DNAH1: variants seen among roughly 807,000 people sequenced by gnomAD.
DNAH1 encodes the protein axonemal beta dynein heavy chain 1.
DNAH1 carries 327 observed loss-of-function variants against 484.3 expected under a neutral mutation model. That is an observed-to-expected ratio of 0.68 (90% CI 0.62 to 0.74). DNAH1 has a LOEUF of 0.74. Among genes scored for constraint, DNAH1 ranks in the 30% least tolerant of loss-of-function variants. DNAH1 has a pLI of 0.00. For missense variants in DNAH1, 5,052 were observed against 5,546.8 expected, an observed-to-expected ratio of 0.91 and a Z score of 2.83; for synonymous variants, 2,192 against 2,191.9, an observed-to-expected ratio of 1.00 and a Z score of 0.00.
At chr3:52,334,259 G>T (rs1701657291) in intron 8 of DNAH1, among the ~76,000 whole-genome samples, 1 of 152,024 alleles carries the variant, frequency 6.6e-6, no homozygotes, top group Non-Finnish European at 1.5e-5. Context: ...ACATAGAAAA[G>T]GTACAGTAAA....
intron 48 of DNAH1, among the ~76,000 whole-genome samples, chr3:52,380,572 G>A (rs1007745467): frequency 6.6e-6 from 1 of 152,224 alleles, no homozygotes; most frequent in Non-Finnish European, 1.5e-5. Flanking sequence ...CACAGGGTCA[G>A]CACACCCTGG....
intron 8 of DNAH1, among the ~76,000 whole-genome samples, chr3:52,332,656 A>G (rs1002699969): frequency 7.2e-5 from 11 of 152,198 alleles, no homozygotes; most frequent in African/African-American, 2.7e-4. Flanking sequence ...TTGATGCTCA[A>G]ATTGTCCTAG....
At position 52,346,740 on chromosome 3, in the gene DNAH1, G is replaced by A. The variant is rs1702160427; in HGVS notation, c.1925G>A (p.Trp642Ter). 6.2e-7 allele frequency: 1 copy of A among 1,608,114 alleles called. No homozygotes were observed. The highest frequency in any genetic ancestry group is 1.7e-5 in the Admixed American group (1 of 59,860). The change falls in exon 11 of 78, where the codon TGG becomes TAG. Residue 642 changes from tryptophan (W) to a stop codon, truncating the protein, a stop_gained. Coordinates refer to ENST00000420323, the MANE Select transcript of DNAH1 (RefSeq NM_015512.5). LOFTEE classifies it high-confidence loss of function. ...SVLNCTDDMVWGDDLINSPYR... is the reference protein window; with the variant it reads ...SVLNCTDDMV ...CTCAACTGCACCGATGACATGGTCTGGGGTGACGACTTAATTAACAGCCCC... is the reference window on the plus strand; with the variant it reads ...CTCAACTGCACCGATGACATGGTCTAGGGTGACGACTTAATTAACAGCCCC...
rs1372205755 is a variant in DNAH1, at chr3:52,366,842, C to A, written c.5720C>A (p.Thr1907Lys). 1 of 1,613,910 alleles carries A rather than the reference C, an allele frequency of 6.2e-7. No individual in the cohort carries two copies. The highest frequency in any genetic ancestry group is 8.5e-7 in the Non-Finnish European group (1 of 1,179,836). Reference protein sequence around the residue: ...NYYVLNPKSITMGQLYGEFDL... With the variant: ...NYYVLNPKSIKMGQLYGEFDL... ...TACGTGCTCAACCCCAAGTCCATCA[C>A]GATGGGCCAGCTGTACGGGGAGTTT... is the stretch of plus-strand genomic sequence containing the variant. Residue 1907 changes from threonine to lysine, a missense_variant, in exon 36 of 78, where the codon ACG (threonine) becomes AAG (lysine). This residue lies in a region of DNAH1 where 2,929 missense variants were observed against 3,409.4 expected (regional missense o/e 0.86). Coordinates refer to ENST00000420323, the MANE Select transcript of DNAH1 (RefSeq NM_015512.5).
Position 52,349,278 on chromosome 3 carries a change from G to C in DNAH1, c.2384G>C (p.Ser795Thr), listed in dbSNP as rs1347754874. Residue 795 changes from serine to threonine, a missense_variant, in exon 14 of 78, where the codon AGC (serine) becomes ACC (threonine). Ser to Thr is a moderately conservative substitution (Grantham distance 58). Transcript: ENST00000420323. The stretch of plus-strand genomic sequence containing the variant: ...CTGCGGGAGAAGGAGATCCTGGACA[G>C]CTCGCTGCCCAGCAGCATCATCATT... ...THLREKEILD[S>T]SLPSSIIIGP... The C allele has an allele frequency of 7.4e-6, 12 of 1,614,042 alleles. No homozygotes were observed. Among genetic ancestry groups the C allele is most frequent in the Non-Finnish European group, 1.0e-5 (12 of 1,179,898 alleles).
chr3:52,386,687 C>T lies in DNAH1; in HGVS notation c.8837C>T (p.Pro2946Leu), dbSNP rs779230281. Residue 2946 changes from proline (P) to leucine (L), a missense_variant, in exon 56 of 78, where the codon CCG becomes CTG. Physicochemically the swap from Pro to Leu is moderately conservative, Grantham distance 98. Around this residue, in one of 4 missense-constraint regions of DNAH1, gnomAD observed 2,929 missense variants for 3,409.4 expected, o/e 0.86. Transcript: ENST00000420323. Reference protein sequence around the residue: ...TEVRAMQRPPPGVKLVIEAVC... With the variant: ...TEVRAMQRPPLGVKLVIEAVC... The stretch of plus-strand genomic sequence containing the variant: ...GTACGTGCCATGCAGCGGCCACCCC[C>T]GGGTGTGAAACTGGTCATAGAAGCT... 6.9e-6 allele frequency: 11 copies of T among 1,588,828 alleles called. No individual in the cohort carries two copies. The Middle Eastern group carries it at 5.0e-4, about 72-fold the overall frequency.
rs373041358 is a variant in DNAH1 at position 52,392,644 on chromosome 3, C to T, written c.10233C>T (p.Leu3411=). ...SEGNPVDDME[L]IKVLEASKMK... The stretch of plus-strand genomic sequence containing the variant: ...GCAACCCTGTAGATGACATGGAACT[C>T]ATCAAGGTGCTGGAAGCCTCCAAGA... Residue 3411 remains leucine, a synonymous_variant, in exon 64 of 78, where the codon CTC becomes CTT. Coordinates refer to ENST00000420323, the MANE Select transcript of DNAH1 (RefSeq NM_015512.5). 1.9e-6 allele frequency: 3 copies of T among 1,611,174 alleles called. No homozygotes were observed. The highest frequency in any genetic ancestry group is 2.5e-6 in the Non-Finnish European group (3 of 1,178,718).
Position 52,353,822 on chromosome 3 carries a change from TC to T in DNAH1, c.3480+191del. ...AATGCACATAAAATTCTTGACAGTGTCCACCATTGCTATTATTTTTCAGTTA... is the reference window on the plus strand; with the variant it reads ...AATGCACATAAAATTCTTGACAGTGTCACCATTGCTATTATTTTTCAGTTA... On this transcript the variant is annotated intron_variant, in intron 20 of 77. Coordinates refer to ENST00000420323, the MANE Select transcript of DNAH1 (RefSeq NM_015512.5). This position sits in a 1 kb window ranked among gnomAD's most constrained non-coding sequence, Gnocchi z 5.0. The T allele has an allele frequency of 1.3e-6, 1 of 763,312 alleles. No individual in the cohort carries two copies. The highest frequency in any genetic ancestry group is 2.1e-6 in the Non-Finnish European group (1 of 486,778). 47.3% of individuals were successfully genotyped at this position (763,312 alleles called of 1,614,324 possible).
chr3:52,333,615 C>T (rs1001049358), intron 8 of DNAH1, among the ~76,000 whole-genome samples: 4 of 152,008 alleles, frequency 2.6e-5, no homozygotes, highest in African/African-American at 4.8e-5. Context: ...CTCGAGCTCC[C>T]GACCTCAGGT....
chr3:52,361,610 A>C lies in DNAH1; in HGVS notation c.4875-51A>C. The C allele has an allele frequency of 6.5e-7, 1 of 1,532,706 alleles. No individual in the cohort carries two copies. The highest frequency in any genetic ancestry group is 8.9e-7 in the Non-Finnish European group (1 of 1,129,606). 94.9% of individuals were successfully genotyped at this position (1,532,706 alleles called of 1,614,324 possible). On this transcript the variant is annotated intron_variant, in intron 29 of 77. Coordinates refer to ENST00000420323, the MANE Select transcript of DNAH1 (RefSeq NM_015512.5). This position sits in a 1 kb window ranked among gnomAD's most constrained non-coding sequence, Gnocchi z 5.6. ...AGGGGGCCCTCAGAGGGAGGTGCCCAGATTGGGCTCTGAACACATGTGCCC... is the reference window on the plus strand; with the variant it reads ...AGGGGGCCCTCAGAGGGAGGTGCCCCGATTGGGCTCTGAACACATGTGCCC...
At chr3:52,399,276 G>T (rs1320533298) in intron 76 of DNAH1, 75 bp downstream of exon 76, 1 of 1,451,222 alleles carries the variant, frequency 6.9e-7, no homozygotes, top group African/African-American at 1.4e-5. Flanking sequence ...TGAGGCCACG[G>T]TTGGTTGGCA....
At chr3:52,374,737 C>T (rs1703509150) in intron 44 of DNAH1, 1 of 1,242,056 alleles carries the variant, frequency 8.1e-7, no homozygotes, top group Non-Finnish European at 1.2e-6. Flanking sequence ...ATATACAACG[C>T]CCTGAATCTG....
rs1701239919 is a variant in DNAH1, at chr3:52,323,838, A to T, written c.364A>T (p.Asn122Tyr). 2 of 1,588,668 alleles carry T rather than the reference A, an allele frequency of 1.3e-6. No individual in the cohort carries two copies. Among genetic ancestry groups the T allele is most frequent in the African/African-American group, 2.7e-5 (2 of 74,458 alleles). Residue 122 changes from asparagine to tyrosine, a missense_variant, in exon 3 of 78, where the codon AAC (asparagine) becomes TAC (tyrosine). Asn to Tyr is a moderately radical substitution (Grantham distance 143). Coordinates refer to ENST00000420323, the MANE Select transcript of DNAH1 (RefSeq NM_015512.5). ...EVCRGPRMSQ[N>Y]LLRQADLDKF... Reference sequence around the variant, plus strand: ...ATGTCGTGGCCCCCGAATGAGCCAGAACCTCCTGCGGCAGGCTGACCTTGA... The same window carrying T: ...ATGTCGTGGCCCCCGAATGAGCCAGTACCTCCTGCGGCAGGCTGACCTTGA...
intron 1 of DNAH1, chr3:52,317,889 T>A (rs1226405732): frequency 6.6e-6 from 1 of 152,316 alleles, no homozygotes; most frequent in Non-Finnish European, 1.5e-5. Context: ...ATCCCCGCAC[T>A]GCTCGGTGGA....
At chr3:52,330,291 T>C (rs535817724) in intron 6 of DNAH1, among the ~76,000 whole-genome samples, 3 of 152,104 alleles carry the variant, frequency 2.0e-5, no homozygotes, top group South Asian at 2.1e-4. Flanking sequence ...TTGACACTAG[T>C]GTGAGCAGGT....
Position 52,379,691 on chromosome 3 carries a change from G to A in DNAH1, c.7378-214G>A, listed in dbSNP as rs1472645383. 6.6e-6 allele frequency among the ~76,000 whole-genome samples: 1 copy of A among 152,156 alleles called. No homozygotes were observed. The highest frequency in any genetic ancestry group is 1.5e-5 in the Non-Finnish European group (1 of 68,018). On this transcript the variant is annotated intron_variant, in intron 47 of 77. Coordinates refer to ENST00000420323, the MANE Select transcript of DNAH1 (RefSeq NM_015512.5). This position sits in a 1 kb window ranked among gnomAD's most constrained non-coding sequence, Gnocchi z 4.4. ...TGGACTCGGAGCTGAGGCATGAGGA[G>A]GCCCAGGCAGCACTGTGCAATCCAC...
chr3:52,386,985 G>C (rs1413411712), intron 56 of DNAH1, 132 bp downstream of exon 56: 4 of 975,702 alleles, frequency 4.1e-6, no homozygotes, highest in South Asian at 1.7e-5. Flanking sequence ...GTCTCTCTCT[G>C]TCCACCTCCA....
chr3:52,382,155 A>G (rs1431615448), intron 49 of DNAH1, among the ~76,000 whole-genome samples, 165 bp from the exon 50 acceptor site: 1 of 152,192 alleles, frequency 6.6e-6, no homozygotes, highest in Non-Finnish European at 1.5e-5. Context: ...CAACTTGGGC[A>G]AAGGTCTGAA....
intron 4 of DNAH1, 129 bp from the exon 5 acceptor site, chr3:52,326,606 G>C: frequency 8.4e-7 from 1 of 1,194,794 alleles, no homozygotes; most frequent in South Asian, 1.6e-5. Context: ...TCTCAGAGGG[G>C]TGGAGGGCTC....
Sources: allele counts gnomAD v4.1 joint callset (sites outside exome capture counted in the v4.1 genomes callset), GRCh38; gene constraint gnomAD v4.1.1; regional missense constraint gnomAD v4.1.1; non-coding constraint Gnocchi (gnomAD v3.1); transcripts MANE v1.5; gene names NCBI Gene and HGNC (gene_info 2026-07-23, HGNC 2026-07-21).